The following NAPRT variants were observed in gnomAD, a reference collection of about 807,000 sequenced individuals.
NAPRT encodes FHA-HIT-interacting protein.
Under a neutral mutation model 60.7 loss-of-function variants are expected in NAPRT, and 66 were observed. That is an observed-to-expected ratio of 1.09 (90% CI 0.89 to 1.33). NAPRT has a LOEUF of 1.33. Ranked by LOEUF, NAPRT falls within the 40% of genes most tolerant of loss-of-function variation. The probability of loss-of-function intolerance (pLI) is 0.00; values close to 1 mark genes in which losing one functional copy is unlikely to be tolerated. For synonymous variants in NAPRT, 405 were observed against 335.7 expected (o/e 1.21, Z -2.26); for missense variants, 818 against 731.5 (o/e 1.12, Z -1.36).
chr8:143,578,174 G>A lies in NAPRT; in HGVS notation c.145C>T (p.Pro49Ser), dbSNP rs946303445. 51 of 1,516,786 alleles carry A rather than the reference G, an allele frequency of 3.4e-5. No homozygotes were observed. Among genetic ancestry groups the A allele is most frequent in the Non-Finnish European group, 4.3e-5 (49 of 1,137,868 alleles). 94.0% of individuals were successfully genotyped at this position (1,516,786 alleles called of 1,614,324 possible). A position where few individuals can be genotyped will look rare whatever the true frequency, so the allele number is the denominator to read the frequency against. The change falls in exon 1 of 13, where the codon CCG becomes TCG. Residue 49 changes from proline to serine, a missense_variant. Coordinates refer to ENST00000449291, the MANE Select transcript of NAPRT (RefSeq NM_145201.6). ...GCCAAGGCGAAGGCGCCGCCGAACGGGCAGCGGCGGAAGAAGAGCTCGAAC... is the reference window on the plus strand; with the variant it reads ...GCCAAGGCGAAGGCGCCGCCGAACGAGCAGCGGCGGAAGAAGAGCTCGAAC... ...AEFELFFRRC[P>S]FGGAFALAAG...
intron 2 of NAPRT, 21 bp downstream of exon 2, chr8:143,577,795 C>T (rs1446972538): frequency 5.0e-6 from 8 of 1,591,102 alleles, no homozygotes; most frequent in South Asian, 1.1e-5. Flanking sequence ...GCCGCCGCGC[C>T]GCCCGCTTAC....
chr8:143,573,865 CCA>C (rs2130683676), downstream of NAPRT: 1 of 152,478 alleles, frequency 6.6e-6, no homozygotes, highest in South Asian at 2.1e-4. Context: ...CCTCAGCCAA[CCA>C]CACAGTGGTG....
Position 143,576,060 on chromosome 8 carries a change from C to T in NAPRT, c.1107+18G>A. 1 of 1,560,390 alleles carries T rather than the reference C, an allele frequency of 6.4e-7. No homozygotes were observed. The highest frequency in any genetic ancestry group is 8.7e-7 in the Non-Finnish European group (1 of 1,150,990). On this transcript the variant is annotated intron_variant, in intron 8 of 12. Transcript: ENST00000449291. The stretch of plus-strand genomic sequence containing the variant: ...GAGCCCCCCAGCCACCCTCCGCCTA[C>T]CCACTCATCCACCCCACCTCCTGGG...
intron 6 of NAPRT, 30 bp downstream of exon 6, chr8:143,576,616 T>C: frequency 6.2e-7 from 1 of 1,605,582 alleles, no homozygotes; most frequent in Non-Finnish European, 8.5e-7. Context: ...GAGGTTCTGC[T>C]GAGCCCACCC....
rs1308341241 is a variant in NAPRT, at chr8:143,578,206, G to A, written c.113C>T (p.Ala38Val). 4 of 1,506,484 alleles carry A rather than the reference G, an allele frequency of 2.7e-6. No individual in the cohort carries two copies. The highest frequency in any genetic ancestry group is 3.5e-6 in the Non-Finnish European group (4 of 1,132,542). The allele number at this position is 1,506,484 out of a possible 1,614,324, so 93.3% of individuals were successfully genotyped here. ...GYWRAGRARD[A>V]AEFELFFRRC... ...GCGGAAGAAGAGCTCGAACTCGGCGGCGTCCCGCGCCCGGCCCGCGCGCCA... is the reference window on the plus strand; with the variant it reads ...GCGGAAGAAGAGCTCGAACTCGGCGACGTCCCGCGCCCGGCCCGCGCGCCA... Residue 38 changes from alanine (A) to valine (V), a missense_variant, in exon 1 of 13, where the codon GCC becomes GTC. Physicochemically the swap from Ala to Val is moderately conservative, Grantham distance 64. Coordinates refer to ENST00000449291, the MANE Select transcript of NAPRT (RefSeq NM_145201.6).
At chr8:143,577,631 C>T (rs1248572319) in intron 3 of NAPRT, 26 bp downstream of exon 3, 24 of 1,534,862 alleles carry the variant, frequency 1.6e-5, no homozygotes, top group Non-Finnish European at 2.0e-5. Context: ...CATGCCCACG[C>T]TCCCTGCCAG....
At chr8:143,575,122 C>G (rs1824337909) in intron 11 of NAPRT, 29 bp from the exon 12 acceptor site, 1 of 1,554,026 alleles carries the variant, frequency 6.4e-7, no homozygotes, top group African/African-American at 1.4e-5. Context: ...GAAAGAGAAG[C>G]TTGGGGCTAG....
Position 143,577,702 on chromosome 8 carries a change from AC to A in NAPRT, c.391del (p.Val131CysfsTer27). The A allele has an allele frequency of 6.5e-7, 1 of 1,544,218 alleles. No homozygotes were observed. Among genetic ancestry groups the A allele is most frequent in the Middle Eastern group, 1.8e-4 (1 of 5,518 alleles). On this transcript the variant is annotated frameshift_variant, in exon 3 of 13. Transcript: ENST00000449291. LOFTEE classifies it high-confidence loss of function. ...LLQVSGPLLV[V>X]QLLETPLLCL... Reference sequence around the variant, plus strand: ...GAGCAGCGGTGTCTCCAGCAGCTGCACCACCAGGAGCGGCCCGGACACCTGC... The same window carrying A: ...GAGCAGCGGTGTCTCCAGCAGCTGCACACCAGGAGCGGCCCGGACACCTGC...
At position 143,575,025 on chromosome 8, in the gene NAPRT, G is replaced by A; in HGVS notation, c.1515C>T (p.Ser505=). The change falls in exon 12 of 13, where the codon AGC becomes AGT. Residue 505 remains serine (S), a synonymous_variant. Coordinates refer to ENST00000449291, the MANE Select transcript of NAPRT (RefSeq NM_145201.6). The part of the protein sequence containing the change: ...ALAQLSLSRL[S]PEHRRLRSPA... ...GGCTCCGCAGCCGCCTGTGCTCAGG[G>A]CTGAGTCGGCTCAGGGACAGCTGGG... 1 of 1,512,688 alleles carries A rather than the reference G, an allele frequency of 6.6e-7. No individual in the cohort carries two copies. Among genetic ancestry groups the A allele is most frequent in the Non-Finnish European group, 8.9e-7 (1 of 1,125,924 alleles). The allele number at this position is 1,512,688 out of a possible 1,614,324, so 93.7% of individuals were successfully genotyped here. A position where few individuals can be genotyped will look rare whatever the true frequency, so the allele number is the denominator to read the frequency against.
intron 12 of NAPRT, 34 bp downstream of exon 12, chr8:143,574,952 C>T (rs780524531): frequency 2.3e-5 from 35 of 1,549,028 alleles, no homozygotes; most frequent in Middle Eastern, 3.3e-4. Flanking sequence ...CGGGGGCGCA[C>T]AGGGCAGAAT....
chr8:143,575,146 C>G (rs988472695), intron 11 of NAPRT, 45 bp downstream of exon 11: 2 of 1,578,370 alleles, frequency 1.3e-6, no homozygotes, highest in African/African-American at 2.7e-5. Context: ...CCAGTCAGGG[C>G]TCTACCGGGG....
chr8:143,576,460 G>C lies in NAPRT; in HGVS notation c.994C>G (p.Arg332Gly), dbSNP rs35975875. The change falls in exon 7 of 13, where the codon CGC (arginine) becomes GGC (glycine). Residue 332 changes from arginine to glycine, a missense_variant. Physicochemically the swap from Arg to Gly is moderately radical, Grantham distance 125. Coordinates refer to ENST00000449291, the MANE Select transcript of NAPRT (RefSeq NM_145201.6). ...GDLLQQAQEI[R>G]KVFRAAAAQF... is the part of the protein sequence containing the mutation. ...GCTGCAGCAGCTCGGAAGACCTTGC[G>C]GATCTCCTGAGCCTGCTGTAGCAGG... 4 of 1,610,922 alleles carry C rather than the reference G, an allele frequency of 2.5e-6. No individual in the cohort carries two copies. The South Asian group carries it at 4.4e-5, about 18-fold the overall frequency.
chr8:143,576,389 C>G, intron 7 of NAPRT, 43 bp downstream of exon 7: 4 of 1,572,800 alleles, frequency 2.5e-6, no homozygotes, highest in Non-Finnish European at 2.6e-6. Flanking sequence ...TCCCAAACCC[C>G]GGGGATCTCC....
chr8:143,575,595 C>T, intron 9 of NAPRT, 27 bp downstream of exon 9: 2 of 1,586,928 alleles, frequency 1.3e-6, no homozygotes, highest in African/African-American at 1.3e-5. Flanking sequence ...GACCTGCCCC[C>T]ACCTGGGCCC....
At position 143,576,238 on chromosome 8, in the gene NAPRT, C is replaced by T. The variant is rs990733835; in HGVS notation, c.1023-76G>A. On this transcript the variant is annotated intron_variant, in intron 7 of 12. Transcript: ENST00000449291. ...TTCACCCTGGTGTCCCCCTGCTCCC[C>T]GCCCCGCCTCAGTCAAGGACACCTG... 1.3e-5 allele frequency: 18 copies of T among 1,437,180 alleles called. No homozygotes were observed. In the East Asian group the frequency reaches 2.2e-4, roughly 17 times the overall value. 89.0% of individuals were successfully genotyped at this position (1,437,180 alleles called of 1,614,324 possible). A position where few individuals can be genotyped will look rare whatever the true frequency, so the allele number is the denominator to read the frequency against.
chr8:143,575,661 G>T lies in NAPRT; in HGVS notation c.1149C>A (p.Val383=). ...VNVIGIGTSV[V]TCPQQPSLGG... ...CCAGGGAAGGCTGTTGGGGGCAGGT[G>T]ACCACACTGGTGCCAATGCCAATGA... The change falls in exon 9 of 13, where the codon GTC becomes GTA. Residue 383 remains valine (V), a synonymous_variant. Coordinates refer to ENST00000449291, the MANE Select transcript of NAPRT (RefSeq NM_145201.6). 6.3e-7 allele frequency: 1 copy of T among 1,595,736 alleles called. No individual in the cohort carries two copies. The highest frequency in any genetic ancestry group is 8.5e-7 in the Non-Finnish European group (1 of 1,172,114).
In NAPRT at chr8:143,574,908, G is replaced by A. The variant is rs1374200043; in HGVS notation, c.1555-8C>T. The A allele has an allele frequency of 1.3e-6, 2 of 1,550,518 alleles. No homozygotes were observed. Among genetic ancestry groups the A allele is most frequent in the African/African-American group, 1.4e-5 (1 of 73,072 alleles). On this transcript the variant is annotated splice_region_variant and splice_polypyrimidine_tract_variant and intron_variant, in intron 12 of 12. Transcript: ENST00000449291. ...CCTCTCGGACAGCACCACCTGCAGG[G>A]AGCAGAGGACAGGAGCGGTGGGCAG...
At chr8:143,573,300 A>G (rs1321371988), downstream of NAPRT, among the ~76,000 whole-genome samples, 3 of 152,188 alleles carry the variant, frequency 2.0e-5, no homozygotes, top group Non-Finnish European at 4.4e-5. Context: ...GGGGCAGTGA[A>G]GACACCAGAG....
chr8:143,574,603 C>T, downstream of NAPRT: 1 of 615,338 alleles, frequency 1.6e-6, no homozygotes, highest in East Asian at 2.8e-5. Context: ...CCGGGGAACT[C>T]CTCACTGCCC....
Sources: gnomAD v4.1 joint callset for allele counts (sites outside exome capture counted in the v4.1 genomes callset) on GRCh38, gnomAD v4.1.1 for gene constraint, MANE v1.5 for transcripts, NCBI Gene and HGNC (gene_info 2026-07-23, HGNC 2026-07-21) for gene names.